DNAJB6: variants seen among roughly 807,000 people sequenced by gnomAD.
DNAJB6 encodes dnaJ homolog subfamily B member 6.
In DNAJB6, 16 loss-of-function variants were observed where a neutral mutation model predicts 42.7. That is an observed-to-expected ratio of 0.37 (90% confidence interval 0.25 to 0.57). DNAJB6 has a LOEUF of 0.57. Among genes scored for constraint, DNAJB6 ranks in the 20% least tolerant of loss-of-function variants. The pLI, the probability that DNAJB6 is intolerant of heterozygous loss-of-function variation, is 0.74. For missense variants in DNAJB6, 347 were observed against 416.8 expected, an observed-to-expected ratio of 0.83 and a Z score of 1.46; for synonymous variants, 170 against 163.5, an observed-to-expected ratio of 1.04 and a Z score of -0.30.
intron 1 of DNAJB6, among the ~76,000 whole-genome samples, chr7:157,349,720 C>T (rs368737836): frequency 2.0e-5 from 3 of 152,338 alleles, no homozygotes; most frequent in South Asian, 2.1e-4. Context: ...TCTCAGCTCA[C>T]TGCAACCTCC....
At chr7:157,360,706 A>T (rs1393562243) in intron 2 of DNAJB6, among the ~76,000 whole-genome samples, 14 of 152,296 alleles carry the variant, frequency 9.2e-5, no homozygotes, top group Non-Finnish European at 1.5e-5. Context: ...GCGTGCTGTT[A>T]GTCTATCTTG....
chr7:157,359,536 A>G (rs1799473685), intron 2 of DNAJB6, among the ~76,000 whole-genome samples: 1 of 152,080 alleles, frequency 6.6e-6, no homozygotes, highest in African/African-American at 2.4e-5. Context: ...TTAAAATGCT[A>G]AATTACGGCC....
chr7:157,403,847 C>T (rs73747319), intron 8 of DNAJB6, among the ~76,000 whole-genome samples: 7,174 of 152,282 alleles, frequency 0.047, 194 homozygotes, highest in East Asian at 0.12. Context: ...GGACTCGCAG[C>T]GGAAGCAGAG....
chr7:157,338,674 C>T (rs1330491398), intron 1 of DNAJB6, among the ~76,000 whole-genome samples: 1 of 152,228 alleles, frequency 6.6e-6, no homozygotes, highest in Non-Finnish European at 1.5e-5. Flanking sequence ...CTTAAGCTCC[C>T]TTGGAGTTTG....
At chr7:157,395,114 C>CAAA (rs34978309) in intron 8 of DNAJB6, among the ~76,000 whole-genome samples, 67,363 of 151,340 alleles carry the variant, frequency 0.45, 15,409 homozygotes, top group African/African-American at 0.56. Context: ...CCCCACCTCC[C>CAAA]AAAAAACCCC....
chr7:157,387,406 A>G (rs763643991), intron 8 of DNAJB6, among the ~76,000 whole-genome samples: 1 of 152,160 alleles, frequency 6.6e-6, no homozygotes, highest in African/African-American at 2.4e-5. Context: ...TCCCACTCAC[A>G]ACTAGCATTG....
rs145036716 is a variant in DNAJB6, at chr7:157,359,883, C to T, written c.65+1246C>T. On this transcript the variant is annotated intron_variant, in intron 2 of 9. Transcript: ENST00000262177. ...TTATTTGAAACCTCTGCCGAGGAACCTAGTAGAAGCAGTCTACTGAGGAGA... is the reference window on the plus strand; with the variant it reads ...TTATTTGAAACCTCTGCCGAGGAACTTAGTAGAAGCAGTCTACTGAGGAGA... Among the ~76,000 whole-genome samples the T allele has an allele frequency of 7.4e-3, 1,121 of 152,308 alleles. 8 individuals carry two copies. Among genetic ancestry groups the T allele is most frequent in the Non-Finnish European group, 0.011 (722 of 68,030 alleles).
At chr7:157,378,221 C>T (rs1800569326) in intron 5 of DNAJB6, 1 of 152,200 alleles carries the variant, frequency 6.6e-6, no homozygotes, top group Non-Finnish European at 1.5e-5. Context: ...GCAGGCACCT[C>T]ACTGGTTGTG....
chr7:157,358,312 A>T (rs529614417), intron 1 of DNAJB6, among the ~76,000 whole-genome samples: 1 of 152,130 alleles, frequency 6.6e-6, no homozygotes, highest in Non-Finnish European at 1.5e-5. Context: ...TTATTAGGCT[A>T]TTTCAGAGCT....
At chr7:157,343,948 T>C (rs1289535327) in intron 1 of DNAJB6, among the ~76,000 whole-genome samples, 3 of 152,210 alleles carry the variant, frequency 2.0e-5, no homozygotes, top group Non-Finnish European at 4.4e-5. Context: ...TAAGAAATAT[T>C]TTTTCTTAAT....
chr7:157,349,088 C>T (rs1397879353), intron 1 of DNAJB6, among the ~76,000 whole-genome samples: 1 of 145,214 alleles, frequency 6.9e-6, no homozygotes, highest in Non-Finnish European at 1.5e-5. Context: ...TGTGTTGTTG[C>T]TCACGCTTAT....
rs1438023163 is a variant in DNAJB6, at chr7:157,366,569, CG to C, written c.235+9del. On this transcript the variant is annotated intron_variant, in intron 4 of 9. Coordinates refer to ENST00000262177, the MANE Select transcript of DNAJB6 (RefSeq NM_058246.4). ...TAAATGGTGGAGGAGGAGGTAAGTACGTGAGTTTTTTCTTTGAAGACAAAAG... is the reference window on the plus strand; with the variant it reads ...TAAATGGTGGAGGAGGAGGTAAGTACTGAGTTTTTTCTTTGAAGACAAAAG... 3 of 1,613,062 alleles carry C rather than the reference CG, an allele frequency of 1.9e-6. No homozygotes were observed. The African/African-American group carries it at 4.0e-5, about 22-fold the overall frequency.
chr7:157,405,096 T>C (rs1021913154), intron 8 of DNAJB6, among the ~76,000 whole-genome samples: 29 of 152,316 alleles, frequency 1.9e-4, no homozygotes, highest in African/African-American at 5.1e-4. Flanking sequence ...CAGGCCGGCC[T>C]TGGTGAACAC....
intron 8 of DNAJB6, among the ~76,000 whole-genome samples, chr7:157,397,050 C>T (rs910189294): frequency 6.6e-6 from 1 of 152,204 alleles, no homozygotes; most frequent in Non-Finnish European, 1.5e-5. Context: ...CTGTCCACAC[C>T]CCTCTCACCG....
chr7:157,343,083 C>G (rs559440132), intron 1 of DNAJB6, among the ~76,000 whole-genome samples: 2 of 152,054 alleles, frequency 1.3e-5, no homozygotes, highest in African/African-American at 4.8e-5. Flanking sequence ...CCTTTGCCTC[C>G]CAGGCTCAAG....
At chr7:157,375,206 T>A (rs925795562) in intron 5 of DNAJB6, among the ~76,000 whole-genome samples, 14 of 151,988 alleles carry the variant, frequency 9.2e-5, no homozygotes, top group African/African-American at 3.1e-4. Flanking sequence ...GAAGGTGTGA[T>A]GGTGGAGGAA....
intron 1 of DNAJB6, among the ~76,000 whole-genome samples, chr7:157,343,668 CA>C (rs1009494642): frequency 2.2e-4 from 33 of 152,086 alleles, no homozygotes; most frequent in African/African-American, 7.5e-4. Flanking sequence ...ATGCTGTTCT[CA>C]AACTCCTGAC....
At chr7:157,355,149 T>TTTTA (rs199521094) in intron 1 of DNAJB6, among the ~76,000 whole-genome samples, 3,204 of 152,232 alleles carry the variant, frequency 0.021, 33 homozygotes, top group Non-Finnish European at 0.034. Flanking sequence ...CCGTAGTTTC[T>TTTTA]TTTATTTATT....
intron 8 of DNAJB6, among the ~76,000 whole-genome samples, chr7:157,397,572 C>T (rs113561462): frequency 1.1e-3 from 161 of 152,324 alleles, no homozygotes; most frequent in South Asian, 1.7e-3. Flanking sequence ...GCCCGTGCTC[C>T]GATTTCCTCC....
Sources: gnomAD v4.1 joint callset for allele counts (sites outside exome capture counted in the v4.1 genomes callset) on GRCh38, gnomAD v4.1.1 for gene constraint, MANE v1.5 for transcripts, NCBI Gene and HGNC (gene_info 2026-07-23, HGNC 2026-07-21) for gene names.